Variants in MYH16 observed in about 807,000 individuals in gnomAD.
The protein encoded by MYH16 is putative uncharacterized protein MYH16.
chr7:99,270,101 C>CTGATCTCA (rs76546745), intron 18 of MYH16, among the ~76,000 whole-genome samples: 151,779 of 151,798 alleles, frequency 1, 75,880 homozygotes, highest in Middle Eastern at 1. Context: ...TCTTGAACTC[C>CTGATCTCA]TGATCTGCCC....
intron 20 of MYH16, among the ~76,000 whole-genome samples, chr7:99,273,802 GAGGAA>G (rs1201107290): frequency 6.6e-6 from 1 of 150,754 alleles, no homozygotes; most frequent in Non-Finnish European, 1.5e-5. Flanking sequence ...GGAAGGGAGA[GAGGAA>G]AGGAAGACAG....
intron 2 of MYH16, among the ~76,000 whole-genome samples, chr7:99,246,761 T>C (rs1349594516): frequency 6.6e-6 from 1 of 151,388 alleles, no homozygotes; most frequent in East Asian, 2.0e-4. Flanking sequence ...GCCCAGCATT[T>C]ACCTGTGGTG....
chr7:99,281,365 C>T (rs1455866162), intron 23 of MYH16, among the ~76,000 whole-genome samples: 12 of 151,234 alleles, frequency 7.9e-5, no homozygotes, highest in South Asian at 2.1e-4. Context: ...GAGACCAGCC[C>T]GGGCAACATG....
At chr7:99,253,175 G>C (rs1427300802) in intron 7 of MYH16, 1 of 151,890 alleles carries the variant, frequency 6.6e-6, no homozygotes, top group African/African-American at 2.4e-5. Context: ...GCTAAGGCAA[G>C]AGGATCACTT....
At chr7:99,291,829 A>G (rs2150828321) in intron 31 of MYH16, among the ~76,000 whole-genome samples, 1 of 152,110 alleles carries the variant, frequency 6.6e-6, no homozygotes, top group East Asian at 1.9e-4. Context: ...CATGGTGGTG[A>G]GTGCCTATAA....
chr7:99,263,883 T>G (rs754001037), intron 14 of MYH16, among the ~76,000 whole-genome samples: 9 of 152,174 alleles, frequency 5.9e-5, no homozygotes, highest in Non-Finnish European at 8.8e-5. Context: ...CCCATAGGGT[T>G]GCCAATTAGT....
intron 27 of MYH16, 32 bp downstream of exon 9, chr7:99,285,470 A>G (rs1792264882): frequency 2.2e-6 from 1 of 456,546 alleles, no homozygotes; most frequent in Non-Finnish European, 4.4e-6. Context: ...TTCTTGAGTC[A>G]AAAGACCTAA....
At chr7:99,290,976 T>C (rs1490327426) in intron 30 of MYH16, 1 of 157,468 alleles carries the variant, frequency 6.4e-6, no homozygotes, top group East Asian at 1.9e-4. Flanking sequence ...GAGTGTAGGT[T>C]CTGGAATTGT....
intron 20 of MYH16, among the ~76,000 whole-genome samples, chr7:99,276,888 G>A (rs1027721628): frequency 2.0e-5 from 3 of 151,526 alleles, no homozygotes; most frequent in African/African-American, 7.3e-5. Context: ...AGAGAGACAG[G>A]CAGAGAGAGA....
intron 24 of MYH16, 24 bp from the exon 7 acceptor site, chr7:99,283,849 C>T (rs923151962): frequency 2.2e-6 from 1 of 451,482 alleles, no homozygotes; most frequent in African/African-American, 2.0e-5. Context: ...CGTCTACCTT[C>T]TCTTGCTGTT....
At chr7:99,260,450 T>G (rs1249890875) in intron 12 of MYH16, 6 of 517,156 alleles carry the variant, frequency 1.2e-5, no homozygotes, top group Non-Finnish European at 2.2e-5. Flanking sequence ...CCAGTGACCT[T>G]CCTTGGTATG....
chr7:99,303,222 C>G (rs1792629318), intron 39 of MYH16, 32 bp downstream of exon 20: 1 of 152,678 alleles, frequency 6.5e-6, no homozygotes, highest in South Asian at 2.1e-4. Flanking sequence ...TGCTAGCAGG[C>G]AGGGCCTAGG....
At chr7:99,286,087 G>T (rs1162776028) in intron 27 of MYH16, among the ~76,000 whole-genome samples, 1 of 152,214 alleles carries the variant, frequency 6.6e-6, no homozygotes, top group Non-Finnish European at 1.5e-5. Flanking sequence ...GCTCTTTACT[G>T]GAGAAAAAGG....
At chr7:99,242,815 G>T (rs1374966925) in intron 1 of MYH16, among the ~76,000 whole-genome samples, 1 of 152,098 alleles carries the variant, frequency 6.6e-6, no homozygotes, top group East Asian at 1.9e-4. Flanking sequence ...AAATGGAAAA[G>T]CTCATCGCTA....
chr7:99,305,919 C>T (rs1181509278), exon 41 of MYH16: 1 of 152,746 alleles, frequency 6.5e-6, no homozygotes, highest in East Asian at 1.9e-4. Flanking sequence ...ATGAGCGTCG[C>T]CTCAAAGAGC....
Position 99,251,094 on chromosome 7 carries a change from G to C in MYH16, n.637G>C, listed in dbSNP as rs993066616. The C allele has an allele frequency of 9.5e-6, 2 of 210,254 alleles. 1 individual carries two copies. The highest frequency in any genetic ancestry group is 1.8e-4 in the South Asian group (2 of 11,296). 13.0% of individuals were successfully genotyped at this position (210,254 alleles called of 1,614,324 possible). A position where few individuals can be genotyped will look rare whatever the true frequency, so the allele number is the denominator to read the frequency against. On this transcript the variant is annotated splice_region_variant and non_coding_transcript_exon_variant, in exon 6 of 42. Coordinates refer to ENST00000439784, the Ensembl canonical transcript of MYH16. Reference sequence around the variant, plus strand: ...GACTTTGGGTTTCTTTCTGCATCAGGGGTCTCTGGAGGATCAAGTCATCCA... The same window carrying C: ...GACTTTGGGTTTCTTTCTGCATCAGCGGTCTCTGGAGGATCAAGTCATCCA...
exon 36 of MYH16, chr7:99,297,951 C>T (rs376215560): frequency 3.7e-5 from 17 of 456,648 alleles, no homozygotes; most frequent in Middle Eastern, 3.3e-4. Context: ...AAGCTGACAT[C>T]GACCGAAGAA....
downstream of MYH16, among the ~76,000 whole-genome samples, chr7:99,307,067 G>A (rs970190440): frequency 6.6e-6 from 1 of 152,168 alleles, no homozygotes; most frequent in Non-Finnish European, 1.5e-5. Context: ...CTGTTCACCT[G>A]TATCACAGGT....
chr7:99,289,186 G>A (rs1331720713), intron 29 of MYH16, 101 bp from the exon 11 acceptor site: 1 of 217,046 alleles, frequency 4.6e-6, no homozygotes, highest in Non-Finnish European at 9.8e-6. Context: ...GGTAGCCTGG[G>A]AGGCACACAG....
Sources: allele counts gnomAD v4.1 joint callset (sites outside exome capture counted in the v4.1 genomes callset), GRCh38; gene constraint gnomAD v4.1.1; transcripts MANE v1.5; gene names NCBI Gene and HGNC (gene_info 2026-07-23, HGNC 2026-07-21).